Variants in AFG2A observed in about 807,000 individuals in gnomAD.
AFG2A encodes the protein AAA ATPase AFG2A.
chr4:122,946,870 A>T, the AFG2A span, among the ~76,000 whole-genome samples: 1 of 152,110 alleles, frequency 6.6e-6, no homozygotes, highest in South Asian at 2.1e-4. Flanking sequence ...AGGACTGTTT[A>T]AAACAATTAA....
the AFG2A span, among the ~76,000 whole-genome samples, chr4:123,179,552 TAG>T: frequency 6.6e-6 from 1 of 152,110 alleles, no homozygotes; most frequent in Non-Finnish European, 1.5e-5. Flanking sequence ...TTAGTAGAGA[TAG>T]AGTTTCACCA....
chr4:123,155,777 A>C, the AFG2A span, among the ~76,000 whole-genome samples: 1 of 152,196 alleles, frequency 6.6e-6, no homozygotes, highest in Non-Finnish European at 1.5e-5. Context: ...TATCTGCAGG[A>C]GGTCCTGGAA....
the AFG2A span, among the ~76,000 whole-genome samples, chr4:123,237,940 G>C: frequency 6.6e-6 from 1 of 152,190 alleles, no homozygotes; most frequent in East Asian, 1.9e-4. Flanking sequence ...AGCCATGACA[G>C]ACAGTACCTG....
the AFG2A span, among the ~76,000 whole-genome samples, chr4:122,962,222 A>T: frequency 1.3e-5 from 2 of 152,202 alleles, no homozygotes; most frequent in Admixed American, 1.3e-4. Flanking sequence ...AGTTCCTAAT[A>T]GGCTAGTACC....
chr4:123,121,142 A>G, the AFG2A span, among the ~76,000 whole-genome samples: 2 of 151,984 alleles, frequency 1.3e-5, no homozygotes, highest in Admixed American at 6.5e-5. Flanking sequence ...AATAAAATTT[A>G]AAAATAGGAA....
the AFG2A span, among the ~76,000 whole-genome samples, chr4:123,253,107 A>G: frequency 1.3e-5 from 2 of 152,130 alleles, no homozygotes; most frequent in African/African-American, 4.8e-5. Flanking sequence ...TGGGAGGCCA[A>G]GGTGGGTGGA....
At chr4:123,112,519 C>A in the AFG2A span, among the ~76,000 whole-genome samples, 1 of 152,140 alleles carries the variant, frequency 6.6e-6, no homozygotes, top group Non-Finnish European at 1.5e-5. Flanking sequence ...TAACATATCA[C>A]ATTTGAGTCT....
chr4:123,016,856 C>G, the AFG2A span, among the ~76,000 whole-genome samples: 2 of 152,194 alleles, frequency 1.3e-5, no homozygotes, highest in Non-Finnish European at 2.9e-5. Context: ...GAACCAGACT[C>G]CGTCTGCAAT....
the AFG2A span, among the ~76,000 whole-genome samples, chr4:123,065,418 T>TAAA: frequency 6.6e-6 from 1 of 152,148 alleles, no homozygotes; most frequent in African/African-American, 2.4e-5. Flanking sequence ...AAATTCTAGG[T>TAAA]TTTTGGAAGT....
At chr4:123,263,260 C>G in the AFG2A span, among the ~76,000 whole-genome samples, 1 of 152,146 alleles carries the variant, frequency 6.6e-6, no homozygotes, top group African/African-American at 2.4e-5. Context: ...TCCTTCACCC[C>G]ACTTGGTGAC....
chr4:122,964,963 A>G, the AFG2A span, among the ~76,000 whole-genome samples: 1 of 152,226 alleles, frequency 6.6e-6, no homozygotes, highest in Non-Finnish European at 1.5e-5. Context: ...ACTCCAAATA[A>G]AACAAATTTT....
At chr4:123,021,615 A>G in the AFG2A span, among the ~76,000 whole-genome samples, 10 of 152,364 alleles carry the variant, frequency 6.6e-5, no homozygotes, top group Non-Finnish European at 1.3e-4. Context: ...TGTCTCACAG[A>G]GAGATTATCC....
At chr4:123,148,268 C>T in the AFG2A span, among the ~76,000 whole-genome samples, 1 of 152,280 alleles carries the variant, frequency 6.6e-6, no homozygotes, top group Non-Finnish European at 1.5e-5. Context: ...CTTTTTAGCA[C>T]TAAGAGCTAC....
At chr4:122,972,472 TTTTTTC>T in the AFG2A span, among the ~76,000 whole-genome samples, 8 of 151,886 alleles carry the variant, frequency 5.3e-5, no homozygotes, top group African/African-American at 1.9e-4. Context: ...TCCCTCCTTC[TTTTTTC>T]TTTTAGGTTT....
chr4:123,145,566 C>T, the AFG2A span, among the ~76,000 whole-genome samples: 3 of 152,072 alleles, frequency 2.0e-5, no homozygotes, highest in African/African-American at 7.2e-5. Flanking sequence ...AAAACTTCCA[C>T]AAAGTTAGTA....
At chr4:123,062,794 A>G in the AFG2A span, among the ~76,000 whole-genome samples, 11 of 152,362 alleles carry the variant, frequency 7.2e-5, no homozygotes, top group East Asian at 1.5e-3. Flanking sequence ...TGTGATTGCC[A>G]TTGACCCAAA....
chr4:123,050,768 G>A, the AFG2A span, among the ~76,000 whole-genome samples: 2 of 148,880 alleles, frequency 1.3e-5, no homozygotes, highest in African/African-American at 2.5e-5. Flanking sequence ...ATGGAGTCTC[G>A]CTCTTTCGCC....
At chr4:123,146,752 A>G in the AFG2A span, among the ~76,000 whole-genome samples, 1 of 151,090 alleles carries the variant, frequency 6.6e-6, no homozygotes, top group Middle Eastern at 3.2e-3. Context: ...CAATATTTTT[A>G]TTCTTTCAGA....
chr4:122,979,307 T>G, the AFG2A span: 1 of 1,614,210 alleles, frequency 6.2e-7, no homozygotes, highest in South Asian at 1.1e-5. Context: ...CTGGTGAAGA[T>G]TACTCTGAAG....
Sources: allele counts gnomAD v4.1 joint callset (sites outside exome capture counted in the v4.1 genomes callset), GRCh38; gene constraint gnomAD v4.1.1; transcripts MANE v1.5; gene names NCBI Gene and HGNC (gene_info 2026-07-23, HGNC 2026-07-21).